MUC6: variants seen among roughly 807,000 people sequenced by gnomAD.
The protein encoded by MUC6 is mucin 6, oligomeric mucus/gel-forming (gene/pseudogene), also known as mucin-6.
Under a neutral mutation model 201.5 loss-of-function variants are expected in MUC6, and 188 were observed. That is an observed-to-expected ratio of 0.93 (90% confidence interval 0.83 to 1.05). The LOEUF is 1.05. MUC6 is among the 50% of genes least tolerant of loss of function. The pLI is 0.00. For missense variants in MUC6, 2,706 were observed against 3,256.9 expected (o/e 0.83, Z 4.12); for synonymous variants, 1,228 against 1,389.4 (o/e 0.88, Z 2.58).
chr11:1,027,094 C>T lies in MUC6; in HGVS notation c.2285-44G>A, dbSNP rs112509990. The T allele has an allele frequency of 3.4e-3, 5,420 of 1,609,852 alleles. 140 individuals carry two copies. The African/African-American group carries it at 0.064, about 19-fold the overall frequency. On this transcript the variant is annotated intron_variant, in intron 18 of 32. Transcript: ENST00000421673. The stretch of plus-strand genomic sequence containing the variant: ...CGCGGTCAGGACACTCAGAGGAAGC[C>T]GGGGCCCCTCACAGTCCCAGCCTGC...
chr11:1,036,497 G>A (rs1030283854), intron 1 of MUC6, 107 bp downstream of exon 1: 28 of 1,280,234 alleles, frequency 2.2e-5, no homozygotes, highest in South Asian at 8.5e-5. Context: ...GTCCATCAGC[G>A]TCCATGTGGG....
chr11:1,026,125 T>TC lies in MUC6; in HGVS notation c.2562dup (p.Arg855GlufsTer239). On this transcript the variant is annotated frameshift_variant, in exon 21 of 33. Coordinates refer to ENST00000421673, the MANE Select transcript of MUC6 (RefSeq NM_005961.3). LOFTEE classifies it high-confidence loss of function. ...TGGGTGCCCTGCTGACAGGCCCACC[T>TC]CCCCCTTGAGCAGGAGCTGTGGAGA... 1 of 1,597,366 alleles carries TC rather than the reference T, an allele frequency of 6.3e-7. No individual in the cohort carries two copies.
rs1439651999 is a variant in MUC6 at position 1,033,044 on chromosome 11, G to A, written c.84C>T (p.Gly28=). The change falls in exon 2 of 33, where the codon GGC becomes GGT. Residue 28 remains glycine (G), a synonymous_variant. Coordinates refer to ENST00000421673, the MANE Select transcript of MUC6 (RefSeq NM_005961.3). This position sits in a 1 kb window ranked among gnomAD's most constrained non-coding sequence, Gnocchi z 5.6. The part of the protein sequence containing the change: ...GLANTSYTSP[G]LQRLKDSPQT... The stretch of plus-strand genomic sequence containing the variant: ...GTGGAGAGTCCTTCAGCCTCTGGAG[G>A]CCTGGGCTGGTGTAGGAGGTGTTAG... 1.2e-6 allele frequency: 2 copies of A among 1,609,340 alleles called. No homozygotes were observed. The highest frequency in any genetic ancestry group is 1.1e-5 in the South Asian group (1 of 90,958).
At chr11:1,019,218 T>C (rs1856752043) in intron 30 of MUC6, 57 bp downstream of exon 30, 1 of 1,539,962 alleles carries the variant, frequency 6.5e-7, no homozygotes, top group Admixed American at 1.7e-5. Flanking sequence ...GAATGTGAGC[T>C]GGTGGTGGGA....
chr11:1,013,761 G>T, intron 32 of MUC6, 128 bp from the exon 33 acceptor site: 1 of 1,386,792 alleles, frequency 7.2e-7, no homozygotes, highest in Non-Finnish European at 9.9e-7. Context: ...AGGGGCCAGG[G>T]CGGTGTTGGG....
At chr11:1,030,398 C>CCCCCCCCCAGGGGGGGGGGTG in intron 7 of MUC6, 63 bp from the exon 8 acceptor site, 1 of 1,502,250 alleles carries the variant, frequency 6.7e-7, no homozygotes, top group Non-Finnish European at 8.9e-7. Context: ...TGCCCCACCC[C>CCCCCCCCCAGGGGGGGGGGTG]AGCTTGATGG....
intron 26 of MUC6, among the ~76,000 whole-genome samples, chr11:1,021,965 C>T (rs1856817877): frequency 6.6e-6 from 1 of 152,078 alleles, no homozygotes; most frequent in Non-Finnish European, 1.5e-5. Flanking sequence ...GGGGCAGCCA[C>T]AGGCCTCACA....
chr11:1,031,137 C>T (rs1244011314), intron 5 of MUC6, 32 bp downstream of exon 5: 1 of 1,269,950 alleles, frequency 7.9e-7, no homozygotes, highest in Non-Finnish European at 1.1e-6. Flanking sequence ...TAGAGGCCCC[C>T]CCAGAGGCCC....
chr11:1,029,138 G>A lies in MUC6; in HGVS notation c.1288C>T (p.Pro430Ser), dbSNP rs1224348476. The A allele has an allele frequency of 6.2e-7, 1 of 1,611,792 alleles. No homozygotes were observed. Among genetic ancestry groups the A allele is most frequent in the Non-Finnish European group, 8.5e-7 (1 of 1,179,516 alleles). Reference sequence around the variant, plus strand: ...ACAGCCATGAGGGCACCGTCCTCGGGAAGCTGGGGGCTCTGCGAGGGGGCG... The same window carrying A: ...ACAGCCATGAGGGCACCGTCCTCGGAAAGCTGGGGGCTCTGCGAGGGGGCG... ...TYILLQSPQL[P>S]EDGALMAVYD... Residue 430 changes from proline to serine, a missense_variant, in exon 11 of 33, where the codon CCC (proline) becomes TCC (serine). Around this residue, in one of 10 missense-constraint regions of MUC6, gnomAD observed 1,850 missense variants for 1,958.3 expected, o/e 0.94. Transcript: ENST00000421673.
At position 1,028,013 on chromosome 11, in the gene MUC6, C is replaced by T. The variant is rs770062428; in HGVS notation, c.1800G>A (p.Thr600=). 4.7e-5 allele frequency: 75 copies of T among 1,586,688 alleles called. No individual in the cohort carries two copies. The Middle Eastern group carries it at 2.2e-3, about 45-fold the overall frequency. The change falls in exon 15 of 33, where the codon ACG becomes ACA. Residue 600 remains threonine (T), a synonymous_variant. Transcript: ENST00000421673. Reference sequence around the variant, plus strand: ...CTGTGGCGTGGCACCTCTCGAACACCGTGCCTGTCCTCAGCAGCATGGAGC... The same window carrying T: ...CTGTGGCGTGGCACCTCTCGAACACTGTGCCTGTCCTCAGCAGCATGGAGC... The part of the protein sequence containing the change: ...THCSMLLRTG[T]VFERCHATVN...
Position 1,013,625 on chromosome 11 carries a change from A to G in MUC6, c.7151T>C (p.Ile2384Thr), listed in dbSNP as rs1351792732. The G allele has an allele frequency of 1.3e-6, 2 of 1,561,678 alleles. No homozygotes were observed. The highest frequency in any genetic ancestry group is 2.7e-5 in the African/African-American group (2 of 73,566). ...GCGGGCATCCACCTGCTGGGTGATG[A>G]TGTTGAAGCTGCCGAGAAGTCAAGA... ...GACISAASFN[I>T]ITQQVDARCS... Residue 2384 changes from isoleucine to threonine, a missense_variant, in exon 33 of 33, where the codon ATC becomes ACC. Coordinates refer to ENST00000421673, the MANE Select transcript of MUC6 (RefSeq NM_005961.3).
At position 1,013,088 on chromosome 11, in the gene MUC6, G is replaced by A. The variant is rs904669180; in HGVS notation, c.*368C>T. ...TCGCCCCTGATGGGTCTGGTCGAGCGCCTGCTCTGTGGCTTCATCTGCAGG... is the reference window on the plus strand; with the variant it reads ...TCGCCCCTGATGGGTCTGGTCGAGCACCTGCTCTGTGGCTTCATCTGCAGG... On this transcript the variant is annotated 3_prime_UTR_variant, in exon 33 of 33. Coordinates refer to ENST00000421673, the MANE Select transcript of MUC6 (RefSeq NM_005961.3). 9 of 269,838 alleles carry A rather than the reference G, an allele frequency of 3.3e-5. No homozygotes were observed. The highest frequency in any genetic ancestry group is 2.0e-4 in the Admixed American group (4 of 20,354). The allele number at this position is 269,838 out of a possible 1,614,324, so 16.7% of individuals were successfully genotyped here.
intron 26 of MUC6, 102 bp downstream of exon 26, chr11:1,023,403 CATGA>C (rs796920306): frequency 3.4e-5 from 46 of 1,348,766 alleles, no homozygotes; most frequent in African/African-American, 2.2e-4. Context: ...AATTAATGAG[CATGA>C]ATGAATGTGT....
chr11:1,014,032 C>T, intron 31 of MUC6, 31 bp from the exon 32 acceptor site: 3 of 1,567,688 alleles, frequency 1.9e-6, no homozygotes, highest in Non-Finnish European at 2.6e-6. Context: ...CAGCAGCGCC[C>T]AGGGTGGGCA....
At position 1,013,461 on chromosome 11, in the gene MUC6, C is replaced by G; in HGVS notation, c.7315G>C (p.Asp2439His). ...GAGAGCAGGCAGCGACCCTGCTAGT[C>G]TCCACAGGCCACAGAGCTGCACACG... ...HCVCSSVACG[D>H] Residue 2439 changes from aspartate (D) to histidine (H), a missense_variant, in exon 33 of 33, where the codon GAC becomes CAC. By Grantham distance (81) the Asp-to-His change is moderately conservative. Transcript: ENST00000421673. 1 of 1,579,152 alleles carries G rather than the reference C, an allele frequency of 6.3e-7. No homozygotes were observed. Among genetic ancestry groups the G allele is most frequent in the South Asian group, 1.2e-5 (1 of 86,058 alleles).
chr11:1,016,095 T>C lies in MUC6; in HGVS notation c.6706A>G (p.Thr2236Ala), dbSNP rs752890597. The C allele has an allele frequency of 6.2e-7, 1 of 1,610,822 alleles. No homozygotes were observed. The highest frequency in any genetic ancestry group is 8.5e-7 in the Non-Finnish European group (1 of 1,178,566). ...CTGGAGGCTAGGTGGCTGGATGGGG[T>C]GGGAGACACGGTAACAGTGGATATG... ...LPISTVTVSP[T>A]PSSHLASSTI... Residue 2236 changes from threonine (T) to alanine (A), a missense_variant, in exon 31 of 33, where the codon ACC (threonine) becomes GCC (alanine). Around this residue, in one of 10 missense-constraint regions of MUC6, gnomAD observed 586 missense variants for 488.0 expected, o/e 1.20. Coordinates refer to ENST00000421673, the MANE Select transcript of MUC6 (RefSeq NM_005961.3).
intron 26 of MUC6, 91 bp from the exon 27 acceptor site, chr11:1,021,368 CTTTTTTTTTTTT>C: frequency 8.9e-6 from 4 of 449,012 alleles, no homozygotes; most frequent in Non-Finnish European, 1.4e-5. Context: ...TTCCTCTCTG[CTTTTTTTTTTTT>C]TTTTTTTTGA....
chr11:1,023,883 G>A (rs994013931), intron 25 of MUC6, 64 bp downstream of exon 25: 15 of 1,569,426 alleles, frequency 9.6e-6, no homozygotes, highest in African/African-American at 8.1e-5. Context: ...GCAGCCCTGC[G>A]CCGGCCCTTA....
chr11:1,028,145 G>A, intron 14 of MUC6, 81 bp downstream of exon 14: 1 of 1,534,946 alleles, frequency 6.5e-7, no homozygotes, highest in South Asian at 1.2e-5. Flanking sequence ...CTGGCAGCTG[G>A]GCCTGTGGTC....
Sources: gnomAD v4.1 joint callset for allele counts (sites outside exome capture counted in the v4.1 genomes callset) on GRCh38, gnomAD v4.1.1 for gene constraint, gnomAD v4.1.1 regional missense constraint, Gnocchi (gnomAD v3.1) non-coding constraint, MANE v1.5 for transcripts, NCBI Gene and HGNC (gene_info 2026-07-23, HGNC 2026-07-21) for gene names.